Variants in DNAJB11 observed in about 807,000 individuals in gnomAD.
DNAJB11 encodes dnaJ homolog subfamily B member 11.
Under a neutral mutation model 47.2 loss-of-function variants are expected in DNAJB11, and 30 were observed. That is an observed-to-expected ratio of 0.64 (90% CI 0.48 to 0.86). The LOEUF is 0.86. DNAJB11 is among the 40% of genes least tolerant of loss of function. The pLI, the probability that DNAJB11 is intolerant of heterozygous loss-of-function variation, is 0.00. For missense variants in DNAJB11, 357 were observed against 440.2 expected (o/e 0.81, Z 1.69); for synonymous variants, 151 against 159.9 (o/e 0.94, Z 0.42).
intron 5 of DNAJB11, 118 bp downstream of exon 5, chr3:186,581,631 G>A (rs1164228057): frequency 2.5e-6 from 3 of 1,193,432 alleles, no homozygotes; most frequent in Non-Finnish European, 3.5e-6. Context: ...GCCATGTTCT[G>A]CAAAAGGATA....
At chr3:186,579,264 A>C (rs1050250100) in intron 4 of DNAJB11, 1 of 152,150 alleles carries the variant, frequency 6.6e-6, no homozygotes, top group South Asian at 2.1e-4. Context: ...CTTTCTTTTA[A>C]ATACAAAAAA....
chr3:186,583,798 G>A, intron 7 of DNAJB11, 67 bp from the exon 8 acceptor site: 1 of 1,224,436 alleles, frequency 8.2e-7, no homozygotes, highest in Non-Finnish European at 1.2e-6. Flanking sequence ...CTTTTTCCAA[G>A]AATTTTCTAA....
chr3:186,583,460 C>G (rs1715554266), intron 7 of DNAJB11, among the ~76,000 whole-genome samples: 1 of 152,186 alleles, frequency 6.6e-6, no homozygotes, highest in Non-Finnish European at 1.5e-5. Context: ...AACCTGACAC[C>G]TTCCTTGTCT....
At chr3:186,576,812 C>G (rs970167969) in intron 3 of DNAJB11, among the ~76,000 whole-genome samples, 1 of 152,132 alleles carries the variant, frequency 6.6e-6, no homozygotes, top group African/African-American at 2.4e-5. Flanking sequence ...CTAGGGAATA[C>G]CAGAAAGAGA....
intron 2 of DNAJB11, among the ~76,000 whole-genome samples, chr3:186,573,627 C>T (rs975867936): frequency 6.6e-6 from 1 of 152,062 alleles, no homozygotes; most frequent in Non-Finnish European, 1.5e-5. Flanking sequence ...CCTCATGATC[C>T]ACCCGCCTCG....
intron 1 of DNAJB11, 57 bp downstream of exon 1, chr3:186,571,022 T>TGTGGGGGGGGGGGG: frequency 4.8e-6 from 1 of 208,312 alleles, no homozygotes; most frequent in Non-Finnish European, 9.4e-6. Context: ...TGCTGGGGGG[T>TGTGGGGGGGGGGGG]GGGAGGGGGT....
At chr3:186,585,007 G>T (rs966021369) in intron 9 of DNAJB11, among the ~76,000 whole-genome samples, 3 of 152,126 alleles carry the variant, frequency 2.0e-5, no homozygotes, top group African/African-American at 7.2e-5. Context: ...AGCAATGAAG[G>T]AGGTAAAAAC....
At chr3:186,571,820 A>T (rs1715068921) in intron 1 of DNAJB11, among the ~76,000 whole-genome samples, 1 of 152,234 alleles carries the variant, frequency 6.6e-6, no homozygotes, top group African/African-American at 2.4e-5. Flanking sequence ...TCTTGACCGA[A>T]GGTGGTTCTG....
chr3:186,575,843 C>A lies in DNAJB11; in HGVS notation c.229C>A (p.Leu77Met), dbSNP rs1409815226. ...FQDLGAAYEV[L>M]SDSEKRKQYD... ...CTCCACTGGCTTTTATCCCCAGGTT[C>A]TGTCAGATAGTGAGAAACGGAAACA... is the stretch of plus-strand genomic sequence containing the variant. Residue 77 changes from leucine (L) to methionine (M), a missense_variant, in exon 3 of 10, where the codon CTG becomes ATG. By Grantham distance (15) the Leu-to-Met change is conservative. Transcript: ENST00000265028. 1.2e-6 allele frequency: 2 copies of A among 1,612,866 alleles called. No individual in the cohort carries two copies. Among genetic ancestry groups the A allele is most frequent in the Non-Finnish European group, 1.7e-6 (2 of 1,179,078 alleles).
Position 186,572,240 on chromosome 3 carries a change from G to A in DNAJB11, c.214G>A (p.Ala72Thr), listed in dbSNP as rs777127092. 1 of 1,607,334 alleles carries A rather than the reference G, an allele frequency of 6.2e-7. No homozygotes were observed. The highest frequency in any genetic ancestry group is 1.1e-5 in the South Asian group (1 of 89,604). The part of the protein sequence containing the change: ...QAQEKFQDLG[A>T]AYEVLSDSEK... ...CCAGGAGAAATTCCAGGATCTGGGT[G>A]CTGCTTATGAGGTGAGTTGGGAAAA... The change falls in exon 2 of 10, where the codon GCT becomes ACT. Residue 72 changes from alanine (A) to threonine (T), a missense_variant. Ala to Thr is a moderately conservative substitution (Grantham distance 58). Coordinates refer to ENST00000265028, the MANE Select transcript of DNAJB11 (RefSeq NM_016306.6).
At chr3:186,579,487 A>G (rs1229034209) in intron 4 of DNAJB11, 1 of 152,168 alleles carries the variant, frequency 6.6e-6, no homozygotes, top group Non-Finnish European at 1.5e-5. Flanking sequence ...CTCCTTAAGT[A>G]TTATCATGCT....
At chr3:186,577,237 C>T (rs995416793) in intron 3 of DNAJB11, among the ~76,000 whole-genome samples, 5 of 152,052 alleles carry the variant, frequency 3.3e-5, no homozygotes, top group African/African-American at 4.8e-5. Flanking sequence ...TTAAAATTAC[C>T]GATAAAAATT....
Position 186,582,736 on chromosome 3 carries a change from G to A in DNAJB11, c.703G>A (p.Glu235Lys). ...ACTAGGTGAGCCTCACGTGGATGGG[G>A]AGCCTGGAGATTTACGGTTCCGAAT... ...IGEGEPHVDG[E>K]PGDLRFRIKV... Residue 235 changes from glutamate to lysine, a missense_variant, in exon 7 of 10, where the codon GAG becomes AAG. Physicochemically the swap from Glu to Lys is moderately conservative, Grantham distance 56. Transcript: ENST00000265028. 1.9e-6 allele frequency: 3 copies of A among 1,591,602 alleles called. No individual in the cohort carries two copies. The highest frequency in any genetic ancestry group is 2.6e-6 in the Non-Finnish European group (3 of 1,167,642).
intron 4 of DNAJB11, chr3:186,578,526 G>C (rs1048171768): frequency 2.6e-5 from 4 of 152,136 alleles, no homozygotes; most frequent in African/African-American, 9.7e-5. Flanking sequence ...TAGATTCACT[G>C]CCTCACTAAT....
chr3:186,581,375 T>G lies in DNAJB11; in HGVS notation c.461T>G (p.Val154Gly). 2 of 1,613,772 alleles carry G rather than the reference T, an allele frequency of 1.2e-6. No homozygotes were observed. The highest frequency in any genetic ancestry group is 1.7e-6 in the Non-Finnish European group (2 of 1,179,886). ...EVYAGNFVEV[V>G]RNKPVARQAP... ...TGTTGTTTATGCACTTCCTAGGTAG[T>G]TAGAAACAAACCTGTGGCAAGGCAG... The change falls in exon 5 of 10, where the codon GTT becomes GGT. Residue 154 changes from valine (V) to glycine (G), a missense_variant. Physicochemically the swap from Val to Gly is moderately radical, Grantham distance 109 (BLOSUM62 -3). Transcript: ENST00000265028.
intron 3 of DNAJB11, among the ~76,000 whole-genome samples, chr3:186,576,778 C>A (rs1465376719): frequency 6.6e-6 from 1 of 152,078 alleles, no homozygotes; most frequent in African/African-American, 2.4e-5. Context: ...CCGCCAGGAT[C>A]AATTTGGCTG....
chr3:186,575,559 T>G (rs1715262156), intron 2 of DNAJB11, among the ~76,000 whole-genome samples: 1 of 152,216 alleles, frequency 6.6e-6, no homozygotes, highest in South Asian at 2.1e-4. Flanking sequence ...CCTTCACAGC[T>G]GCATTGCTAA....
chr3:186,572,042 A>C, intron 1 of DNAJB11, 53 bp from the exon 2 acceptor site: 1 of 1,442,418 alleles, frequency 6.9e-7, no homozygotes, highest in Non-Finnish European at 9.3e-7. Flanking sequence ...TTTTACTTTG[A>C]AAAATGTAAC....
intron 6 of DNAJB11, 55 bp from the exon 7 acceptor site, chr3:186,582,661 A>T (rs1715525784): frequency 7.0e-7 from 1 of 1,424,504 alleles, no homozygotes; most frequent in South Asian, 1.2e-5. Flanking sequence ...TGCCAAATAG[A>T]TTTGTGGTAT....
Sources: gnomAD v4.1 joint callset for allele counts (sites outside exome capture counted in the v4.1 genomes callset) on GRCh38, gnomAD v4.1.1 for gene constraint, MANE v1.5 for transcripts, NCBI Gene and HGNC (gene_info 2026-07-23, HGNC 2026-07-21) for gene names.